STIMATE: variants seen among roughly 807,000 people sequenced by gnomAD.
The protein encoded by STIMATE is store-operated calcium entry regulator STIMATE.
A neutral mutation model predicts 36.7 loss-of-function variants in STIMATE; 15 were observed. The ratio of observed to expected loss-of-function variants is 0.41; its 90% confidence interval spans 0.27 to 0.63. The LOEUF (loss-of-function observed/expected upper bound fraction) is 0.63. Among genes scored for constraint, STIMATE ranks in the 20% least tolerant of loss-of-function variants. The pLI, the probability that STIMATE is intolerant of heterozygous loss-of-function variation, is 0.32. For missense variants in STIMATE, 305 were observed against 397.3 expected (o/e 0.77, Z 1.98); for synonymous variants, 163 against 162.3 (o/e 1.00, Z -0.03).
chr3:52,897,374 C>A lies in STIMATE; in HGVS notation c.77G>T (p.Arg26Leu). Residue 26 changes from arginine (R) to leucine (L), a missense_variant, in exon 1 of 8, where the codon CGC (arginine) becomes CTC (leucine). Arg to Leu is a moderately radical substitution (Grantham distance 102). This residue lies in a region of STIMATE where 57 missense variants were observed against 57.1 expected (regional missense o/e 1.00). Transcript: ENST00000355083. ...PPSTVASGAG[R>L]CESGALMHSF... is the part of the protein sequence containing the mutation. ...GTGCATGAGCGCGCCGCTCTCGCAG[C>A]GGCCCGCCCCGGACGCGACTGTGGA... 6.6e-7 allele frequency: 1 copy of A among 1,505,328 alleles called. No individual in the cohort carries two copies. The highest frequency in any genetic ancestry group is 1.3e-5 in the South Asian group (1 of 79,812). The allele number at this position is 1,505,328 out of a possible 1,614,324, so 93.2% of individuals were successfully genotyped here.
chr3:52,869,184 A>G (rs1701361119), intron 1 of STIMATE, among the ~76,000 whole-genome samples: 1 of 151,582 alleles, frequency 6.6e-6, no homozygotes, highest in Admixed American at 6.6e-5. Flanking sequence ...TGCTCAAAAA[A>G]CTCCCAGAAT....
At chr3:52,852,936 T>C (rs181662228) in intron 2 of STIMATE, among the ~76,000 whole-genome samples, 6 of 152,330 alleles carry the variant, frequency 3.9e-5, no homozygotes, top group African/African-American at 1.4e-4. Context: ...AAATACGTTT[T>C]AAATTTTTTT....
chr3:52,848,604 G>A, intron 4 of STIMATE: 1 of 152,406 alleles, frequency 6.6e-6, no homozygotes, highest in Non-Finnish European at 1.5e-5. Flanking sequence ...GGGGGTGGTG[G>A]GAGGGTTTAG....
At chr3:52,859,501 C>G (rs1327995022) in intron 1 of STIMATE, among the ~76,000 whole-genome samples, 1 of 5,220 alleles carries the variant, frequency 1.9e-4, no homozygotes, top group Admixed American at 8.2e-3. Flanking sequence ...ACCCATTTCT[C>G]CAAAAAAAAA....
chr3:52,859,906 G>A (rs1206931785), intron 1 of STIMATE, among the ~76,000 whole-genome samples: 1 of 152,014 alleles, frequency 6.6e-6, no homozygotes, highest in Non-Finnish European at 1.5e-5. Context: ...GCCTGTGGGT[G>A]CCCTGAGACA....
intron 1 of STIMATE, among the ~76,000 whole-genome samples, chr3:52,865,040 G>A (rs1393247256): frequency 7.9e-5 from 12 of 151,504 alleles, no homozygotes; most frequent in Admixed American, 4.6e-4. Context: ...TCTGCCTCCC[G>A]GGTTCAAGCA....
intron 1 of STIMATE, among the ~76,000 whole-genome samples, chr3:52,892,476 G>A (rs1172778612): frequency 2.0e-5 from 3 of 152,194 alleles, no homozygotes; most frequent in East Asian, 1.9e-4. Flanking sequence ...AAAAAGGGGC[G>A]TTCTTCCTTT....
chr3:52,890,988 C>T lies in STIMATE; in HGVS notation c.160+6303G>A, dbSNP rs547965093. On this transcript the variant is annotated intron_variant, in intron 1 of 7. Coordinates refer to ENST00000355083, the MANE Select transcript of STIMATE (RefSeq NM_198563.5). ...CAAAGGCCCAGAAAAGCAGACCTAG[C>T]GTGTGACTCATGTAGGCATGAAATG... Among the ~76,000 whole-genome samples the T allele has an allele frequency of 1.8e-4, 27 of 152,184 alleles. No homozygotes were observed. The South Asian group carries it at 2.3e-3, about 13-fold the overall frequency.
chr3:52,861,782 A>C (rs1701219827), intron 1 of STIMATE, among the ~76,000 whole-genome samples: 1 of 152,136 alleles, frequency 6.6e-6, no homozygotes, highest in Non-Finnish European at 1.5e-5. Flanking sequence ...TGCCAGCTGC[A>C]ACCCTCCATA....
chr3:52,864,694 G>T (rs1483626212), intron 1 of STIMATE, among the ~76,000 whole-genome samples: 1 of 152,160 alleles, frequency 6.6e-6, no homozygotes, highest in Non-Finnish European at 1.5e-5. Context: ...CAGCACCCAA[G>T]TCACCTCTTG....
intron 4 of STIMATE, chr3:52,847,438 G>C: frequency 7.8e-7 from 1 of 1,287,452 alleles, no homozygotes; most frequent in Non-Finnish European, 1.0e-6. Flanking sequence ...AGAGTGGCCT[G>C]GTAATCAGAG....
At position 52,837,051 on chromosome 3, in the gene STIMATE, T is replaced by C. The variant is rs1700715451; in HGVS notation, c.*3443A>G. 1 of 160,372 alleles carries C rather than the reference T, an allele frequency of 6.2e-6. No individual in the cohort carries two copies. The highest frequency in any genetic ancestry group is 2.4e-5 in the African/African-American group (1 of 41,658). 9.9% of individuals were successfully genotyped at this position (160,372 alleles called of 1,614,324 possible). ...TACCAAAAGCCAAGCCCCTCAGAGC[T>C]GCTAATGTTTCACGAAGTAAAACAG... On this transcript the variant is annotated 3_prime_UTR_variant, in exon 8 of 8. Coordinates refer to ENST00000355083, the MANE Select transcript of STIMATE (RefSeq NM_198563.5).
intron 1 of STIMATE, among the ~76,000 whole-genome samples, chr3:52,866,540 C>T (rs1701316049): frequency 6.6e-6 from 1 of 152,246 alleles, no homozygotes; most frequent in African/African-American, 2.4e-5. Flanking sequence ...CTACTGGTGC[C>T]ACACAATAGG....
intron 7 of STIMATE, 85 bp downstream of exon 7, chr3:52,842,726 A>T: frequency 3.2e-6 from 5 of 1,586,244 alleles, no homozygotes; most frequent in Non-Finnish European, 4.3e-6. Flanking sequence ...ACTCAAGGGA[A>T]GAACATACAC....
chr3:52,867,822 G>A (rs2106697353), intron 1 of STIMATE, among the ~76,000 whole-genome samples: 1 of 152,316 alleles, frequency 6.6e-6, no homozygotes, highest in South Asian at 2.1e-4. Context: ...TAGGGGAATT[G>A]ACTTGTCCAG....
At chr3:52,843,038 C>G in intron 6 of STIMATE, 78 bp from the exon 7 acceptor site, 1 of 1,590,550 alleles carries the variant, frequency 6.3e-7, no homozygotes, top group Non-Finnish European at 8.6e-7. Context: ...CATCCGCCCA[C>G]TCCCATTCCA....
intron 1 of STIMATE, among the ~76,000 whole-genome samples, chr3:52,880,562 C>T (rs549549332): frequency 3.6e-4 from 55 of 152,294 alleles, no homozygotes; most frequent in Non-Finnish European, 7.4e-4. Flanking sequence ...AGAACGAAGA[C>T]TCAGCCAAGC....
At chr3:52,863,586 T>C (rs931325220) in intron 1 of STIMATE, among the ~76,000 whole-genome samples, 14 of 99,268 alleles carry the variant, frequency 1.4e-4, no homozygotes, top group Admixed American at 3.7e-4. Flanking sequence ...AAATCAATTA[T>C]GCCATCTTAA....
rs759937566 is a variant in STIMATE at position 52,849,806 on chromosome 3, C to T, written c.413G>A (p.Arg138His). 24 of 1,613,066 alleles carry T rather than the reference C, an allele frequency of 1.5e-5. No individual in the cohort carries two copies. The highest frequency in any genetic ancestry group is 2.2e-5 in the East Asian group (1 of 44,892). ...CAGCATATTACCATATTCGCCGAAGCGCAGGGACTCCCACTGCTGCCACTC... is the reference window on the plus strand; with the variant it reads ...CAGCATATTACCATATTCGCCGAAGTGCAGGGACTCCCACTGCTGCCACTC... ...LVEWQQWESL[R>H]FGEYGDPLQC... is the part of the protein sequence containing the mutation. Residue 138 changes from arginine to histidine, a missense_variant, in exon 4 of 8, where the codon CGC (arginine) becomes CAC (histidine). Arg to His is a conservative substitution (Grantham distance 29). This residue lies in a region of STIMATE where 164 missense variants were observed against 257.9 expected (regional missense o/e 0.64). Coordinates refer to ENST00000355083, the MANE Select transcript of STIMATE (RefSeq NM_198563.5).
Sources: gnomAD v4.1 joint callset for allele counts (sites outside exome capture counted in the v4.1 genomes callset) on GRCh38, gnomAD v4.1.1 for gene constraint, gnomAD v4.1.1 regional missense constraint, MANE v1.5 for transcripts, NCBI Gene and HGNC (gene_info 2026-07-23, HGNC 2026-07-21) for gene names.